ASIC2: variants seen among roughly 807,000 people sequenced by gnomAD.
ASIC2 encodes the protein acid-sensing ion channel 2.
Under a neutral mutation model 57.3 loss-of-function variants are expected in ASIC2, and 25 were observed. That is an observed-to-expected ratio of 0.44 (90% CI 0.32 to 0.61). ASIC2 has a LOEUF of 0.61. ASIC2 is among the 20% of genes least tolerant of loss of function. The pLI is 0.06. For synonymous variants in ASIC2, 319 were observed against 307.5 expected (o/e 1.04, Z -0.39); for missense variants, 641 against 738.1 (o/e 0.87, Z 1.52).
chr17:33,791,810 T>C (rs1159228321), intron 1 of ASIC2: 1 of 152,086 alleles, frequency 6.6e-6, no homozygotes, highest in East Asian at 1.9e-4. Flanking sequence ...TGTTTTTATT[T>C]ATTTTATTTT....
At chr17:34,125,495 A>T (rs1054887012) in intron 1 of ASIC2, among the ~76,000 whole-genome samples, 1 of 152,114 alleles carries the variant, frequency 6.6e-6, no homozygotes, top group Non-Finnish European at 1.5e-5. Context: ...GATGTTAGGT[A>T]GCTCATGGAA....
chr17:33,209,077 A>G (rs769978342), intron 1 of ASIC2, among the ~76,000 whole-genome samples: 1 of 152,164 alleles, frequency 6.6e-6, no homozygotes, highest in Non-Finnish European at 1.5e-5. Context: ...GAATGGCCCA[A>G]GATCACTCTT....
intron 1 of ASIC2, among the ~76,000 whole-genome samples, chr17:33,687,672 G>A (rs1908238162): frequency 6.6e-6 from 1 of 152,154 alleles, no homozygotes; most frequent in Admixed American, 6.5e-5. Flanking sequence ...CAGTTCATGG[G>A]CCATCTCCTC....
At chr17:33,691,901 G>A (rs1313688435) in intron 1 of ASIC2, among the ~76,000 whole-genome samples, 1 of 152,016 alleles carries the variant, frequency 6.6e-6, no homozygotes. Flanking sequence ...GAAACACATC[G>A]TTGGGTGATT....
chr17:33,788,919 G>A (rs1338176658), intron 1 of ASIC2, among the ~76,000 whole-genome samples: 1 of 152,110 alleles, frequency 6.6e-6, no homozygotes, highest in Non-Finnish European at 1.5e-5. Context: ...GGGAATTGAG[G>A]GGAGAGAACT....
At chr17:33,519,730 T>C (rs971855554) in intron 1 of ASIC2, among the ~76,000 whole-genome samples, 2 of 152,158 alleles carry the variant, frequency 1.3e-5, no homozygotes, top group African/African-American at 4.8e-5. Flanking sequence ...AGGAAGGTCT[T>C]TTTAAGGAGA....
chr17:33,760,701 T>C (rs1910755538), intron 1 of ASIC2, among the ~76,000 whole-genome samples: 1 of 152,146 alleles, frequency 6.6e-6, no homozygotes, highest in Non-Finnish European at 1.5e-5. Context: ...TATACATGTA[T>C]ATACATAATT....
intron 1 of ASIC2, among the ~76,000 whole-genome samples, chr17:33,475,236 A>C (rs140954831): frequency 5.9e-5 from 9 of 152,046 alleles, no homozygotes; most frequent in Non-Finnish European, 1.0e-4. Context: ...AGACACCCAC[A>C]TCCCCACCCC....
intron 1 of ASIC2, among the ~76,000 whole-genome samples, chr17:33,719,483 C>T (rs1368095601): frequency 1.3e-5 from 2 of 152,202 alleles, no homozygotes; most frequent in Non-Finnish European, 2.9e-5. Flanking sequence ...AAGGTGCCTA[C>T]TTTGCATCTG....
intron 1 of ASIC2, among the ~76,000 whole-genome samples, chr17:33,701,186 A>G (rs182967708): frequency 2.6e-4 from 39 of 152,308 alleles, no homozygotes; most frequent in Admixed American, 1.4e-3. Context: ...TTAAAAACCT[A>G]GGATGCAGAT....
At chr17:33,272,102 G>T (rs1224263570) in intron 1 of ASIC2, among the ~76,000 whole-genome samples, 1 of 152,164 alleles carries the variant, frequency 6.6e-6, no homozygotes, top group Non-Finnish European at 1.5e-5. Context: ...CTATCATTTT[G>T]ATCTTGGCTC....
intron 1 of ASIC2, among the ~76,000 whole-genome samples, chr17:33,322,758 C>A (rs1906919908): frequency 6.6e-6 from 1 of 151,550 alleles, no homozygotes; most frequent in East Asian, 1.9e-4. Flanking sequence ...GCAGAGGGAG[C>A]AAAGAGAAGG....
intron 1 of ASIC2, among the ~76,000 whole-genome samples, chr17:33,668,951 C>G (rs528164784): frequency 6.6e-6 from 1 of 152,324 alleles, no homozygotes; most frequent in Non-Finnish European, 1.5e-5. Flanking sequence ...TTCCTTGAAT[C>G]TATGCTCACT....
rs578199952 is a variant in ASIC2 at position 33,430,507 on chromosome 17, T to C, written c.556-318440A>G. 2.2e-4 allele frequency among the ~76,000 whole-genome samples: 33 copies of C among 152,234 alleles called. 1 individual carries two copies. In the South Asian group the frequency reaches 6.6e-3, roughly 31 times the overall value. ...ACTGACCCTACGATAGGAGTCATAA[T>C]TGTCAATGCCTTCATCTAGATGTAG... On this transcript the variant is annotated intron_variant, in intron 1 of 9. Coordinates refer to the ASIC2 transcript ENST00000359872.
chr17:33,044,592 C>T (rs1297340322), intron 3 of ASIC2, among the ~76,000 whole-genome samples: 1 of 152,142 alleles, frequency 6.6e-6, no homozygotes, highest in African/African-American at 2.4e-5. Flanking sequence ...AAACTCCTGA[C>T]CTCAAATGAT....
intron 1 of ASIC2, among the ~76,000 whole-genome samples, chr17:34,081,569 G>A (rs1051098326): frequency 6.6e-6 from 1 of 152,122 alleles, no homozygotes; most frequent in African/African-American, 2.4e-5. Context: ...ACAGCATCTA[G>A]AACCCACCAC....
chr17:33,693,352 A>T (rs893246725), intron 1 of ASIC2, among the ~76,000 whole-genome samples: 7 of 152,184 alleles, frequency 4.6e-5, no homozygotes, highest in Non-Finnish European at 8.8e-5. Flanking sequence ...TTTTTGGCCC[A>T]GTCTTTTCCT....
chr17:33,200,222 G>A (rs977100626), intron 1 of ASIC2, among the ~76,000 whole-genome samples: 11 of 152,170 alleles, frequency 7.2e-5, no homozygotes, highest in Non-Finnish European at 1.3e-4. Context: ...TGGACTGAAG[G>A]CGAGTCTCAC....
intron 1 of ASIC2, among the ~76,000 whole-genome samples, chr17:33,476,544 GGTGTGTGTGTGT>G (rs59467363): frequency 9.6e-6 from 1 of 104,638 alleles, no homozygotes; most frequent in Non-Finnish European, 2.1e-5. Context: ...TATGTACAGG[GGTGTGTGTGTGT>G]GTGTGTGTGT....
Sources: allele counts gnomAD v4.1 joint callset (sites outside exome capture counted in the v4.1 genomes callset), GRCh38; gene constraint gnomAD v4.1.1; transcripts MANE v1.5; gene names NCBI Gene and HGNC (gene_info 2026-07-23, HGNC 2026-07-21).